TMEM51: variants seen among roughly 807,000 people sequenced by gnomAD.
TMEM51 encodes the protein transmembrane protein 51.
TMEM51 carries 8 observed loss-of-function variants against 13.6 expected under a neutral mutation model. The ratio of observed to expected loss-of-function variants is 0.59; its 90% CI spans 0.35 to 1.07. The LOEUF is 1.07. Ranked by LOEUF, TMEM51 falls within the 50% of genes least tolerant of loss-of-function variation. The pLI, the probability that TMEM51 is intolerant of heterozygous loss-of-function variation, is 0.02. For synonymous variants in TMEM51, 147 were observed against 144.4 expected (o/e 1.02, Z -0.13); for missense variants, 279 against 330.7 (o/e 0.84, Z 1.21).
rs981482448 is a variant in TMEM51, at chr1:15,172,408, A to G, written c.-267+18454A>G. ...GTCTCAAAAAAAAAAAAAAAAAAAA[A>G]GGAAGGAAGGAGGAGGGAGGGAGGA... On this transcript the variant is annotated intron_variant, in intron 1 of 3. Transcript: ENST00000376008. Among the ~76,000 whole-genome samples, 8 of 136,596 alleles carry G rather than the reference A, an allele frequency of 5.9e-5. No individual in the cohort carries two copies. The Admixed American group carries it at 5.9e-4, about 10-fold the overall frequency. 89.6% of individuals were successfully genotyped at this position (136,596 alleles called of 152,430 possible). A position where few individuals can be genotyped will look rare whatever the true frequency, so the allele number is the denominator to read the frequency against.
intron 1 of TMEM51, chr1:15,168,722 G>T: frequency 7.7e-7 from 1 of 1,304,480 alleles, no homozygotes; most frequent in Non-Finnish European, 1.0e-6. Context: ...GCCAGTGACT[G>T]GGAACGTCTC....
In TMEM51 at chr1:15,219,865, A is replaced by T; in HGVS notation, c.*122A>T. The stretch of plus-strand genomic sequence containing the variant: ...GCCAGCTGTGCATGGAGCCATTTGG[A>T]TGGCGGCGGGCGGGGGGGGATTCTC... On this transcript the variant is annotated 3_prime_UTR_variant, in exon 4 of 4. Coordinates refer to ENST00000376008, the MANE Select transcript of TMEM51 (RefSeq NM_001136218.2). 8.8e-7 allele frequency: 1 copy of T among 1,135,964 alleles called. No individual in the cohort carries two copies. Among genetic ancestry groups the T allele is most frequent in the Non-Finnish European group, 1.2e-6 (1 of 813,416 alleles). 70.4% of individuals were successfully genotyped at this position (1,135,964 alleles called of 1,614,324 possible). A position where few individuals can be genotyped will look rare whatever the true frequency, so the allele number is the denominator to read the frequency against.
chr1:15,206,410 C>G (rs970762535), intron 1 of TMEM51, among the ~76,000 whole-genome samples: 1 of 152,062 alleles, frequency 6.6e-6, no homozygotes, highest in African/African-American at 2.4e-5. Flanking sequence ...ACACTTTTGT[C>G]CTGAAACACC....
At chr1:15,203,441 T>C (rs1644194374) in intron 1 of TMEM51, among the ~76,000 whole-genome samples, 1 of 150,150 alleles carries the variant, frequency 6.7e-6, no homozygotes, top group Admixed American at 6.6e-5. Flanking sequence ...TTTTTTTTTT[T>C]CAGTAGAGAC....
rs1359861083 is a variant in TMEM51 at position 15,164,748 on chromosome 1, AACAG to A, written c.-267+10798_-267+10801del. Among the ~76,000 whole-genome samples the A allele has an allele frequency of 1.9e-4, 29 of 152,098 alleles. 1 individual carries two copies. Among genetic ancestry groups the A allele is most frequent in the African/African-American group, 6.3e-4 (26 of 41,416 alleles). ...ACTGGGGACAATATTTGCAACACAG[AACAG>A]ACAAAGAGTTGTGTTCTGAATCCAT... On this transcript the variant is annotated intron_variant, in intron 1 of 3. Coordinates refer to ENST00000376008, the MANE Select transcript of TMEM51 (RefSeq NM_001136218.2).
intron 1 of TMEM51, among the ~76,000 whole-genome samples, chr1:15,197,218 G>C (rs1048475453): frequency 6.6e-6 from 1 of 152,228 alleles, no homozygotes; most frequent in Non-Finnish European, 1.5e-5. Flanking sequence ...GTGCCCCAGA[G>C]TGTGGGAGGC....
At position 15,177,427 on chromosome 1, in the gene TMEM51, C is replaced by T. The variant is rs1021616857; in HGVS notation, c.-267+23473C>T. Among the ~76,000 whole-genome samples the T allele has an allele frequency of 7.2e-5, 11 of 151,974 alleles. No homozygotes were observed. The East Asian group carries it at 7.7e-4, about 11-fold the overall frequency. The stretch of plus-strand genomic sequence containing the variant: ...TGTCCTTGCACTGGAATAGGGAAGT[C>T]GGGAGGAACCAGGGGCCGGGGAGGA... On this transcript the variant is annotated intron_variant, in intron 1 of 3. Coordinates refer to ENST00000376008, the MANE Select transcript of TMEM51 (RefSeq NM_001136218.2).
chr1:15,181,812 C>A (rs999572741), intron 1 of TMEM51, among the ~76,000 whole-genome samples: 1 of 152,200 alleles, frequency 6.6e-6, no homozygotes, highest in African/African-American at 2.4e-5. Flanking sequence ...AACCATCAAA[C>A]CGTGACGTCT....
Position 15,207,130 on chromosome 1 carries a change from C to T in TMEM51, c.-266-3360C>T, listed in dbSNP as rs2100333372. ...CACAGCCCGGTGGAACCGGGGATCCCTTTCCCAATTATGCAGCTTGGCAGG... is the reference window on the plus strand; with the variant it reads ...CACAGCCCGGTGGAACCGGGGATCCTTTTCCCAATTATGCAGCTTGGCAGG... On this transcript the variant is annotated intron_variant, in intron 1 of 3. Coordinates refer to ENST00000376008, the MANE Select transcript of TMEM51 (RefSeq NM_001136218.2). The surrounding 1 kb of genome is among the most constrained non-coding windows in gnomAD (Gnocchi z 4.6). 6.6e-6 allele frequency among the ~76,000 whole-genome samples: 1 copy of T among 152,356 alleles called. No individual in the cohort carries two copies. Among genetic ancestry groups the T allele is most frequent in the East Asian group, 1.9e-4 (1 of 5,172 alleles).
chr1:15,202,614 T>C (rs1379799885), intron 1 of TMEM51, among the ~76,000 whole-genome samples: 1 of 152,128 alleles, frequency 6.6e-6, no homozygotes, highest in Non-Finnish European at 1.5e-5. Flanking sequence ...GCTTCCATGA[T>C]TCCATCTCCT....
intron 1 of TMEM51, chr1:15,192,418 C>A: frequency 2.6e-6 from 1 of 378,382 alleles, no homozygotes; most frequent in Admixed American, 3.7e-5. Context: ...CAGCGTTTGG[C>A]AGTGCTACTT....
intron 1 of TMEM51, among the ~76,000 whole-genome samples, chr1:15,176,212 T>G (rs1316243554): frequency 1.3e-5 from 2 of 152,188 alleles, no homozygotes; most frequent in East Asian, 3.8e-4. Flanking sequence ...AACAGAGATT[T>G]GTTGAGGCTT....
In TMEM51 at chr1:15,166,480, G is replaced by A. The variant is rs561552762; in HGVS notation, c.-267+12526G>A. Among the ~76,000 whole-genome samples, 8 of 152,336 alleles carry A rather than the reference G, an allele frequency of 5.3e-5. No individual in the cohort carries two copies. In the South Asian group the frequency reaches 1.7e-3, roughly 32 times the overall value. ...TCACACTGTAATCCCAGCACTTTGG[G>A]AGGCCAAGGCCGGTGGATCACTTGA... On this transcript the variant is annotated intron_variant, in intron 1 of 3. Coordinates refer to ENST00000376008, the MANE Select transcript of TMEM51 (RefSeq NM_001136218.2).
chr1:15,165,643 T>G (rs1189387365), intron 1 of TMEM51, among the ~76,000 whole-genome samples: 1 of 152,160 alleles, frequency 6.6e-6, no homozygotes, highest in African/African-American at 2.4e-5. Context: ...AGGTAACAAT[T>G]TATGGTTGTA....
intron 1 of TMEM51, among the ~76,000 whole-genome samples, chr1:15,200,696 G>A (rs1044437665): frequency 2.0e-5 from 3 of 152,104 alleles, no homozygotes; most frequent in African/African-American, 4.8e-5. Flanking sequence ...CCCCTTCCCT[G>A]CAAGCTGTCC....
intron 1 of TMEM51, among the ~76,000 whole-genome samples, chr1:15,163,331 T>C (rs1642858180): frequency 6.6e-6 from 1 of 152,038 alleles, no homozygotes; most frequent in South Asian, 2.1e-4. Context: ...AGCTAAGCTC[T>C]TTAACTTTCA....
intron 1 of TMEM51, among the ~76,000 whole-genome samples, chr1:15,176,909 A>T (rs1643471959): frequency 2.6e-5 from 4 of 152,194 alleles, no homozygotes; most frequent in Admixed American, 2.6e-4. Flanking sequence ...AAGGAGATGG[A>T]TGAGGCAGGA....
chr1:15,205,384 G>A (rs549761171), intron 1 of TMEM51, among the ~76,000 whole-genome samples: 5 of 152,108 alleles, frequency 3.3e-5, no homozygotes, highest in Non-Finnish European at 7.4e-5. Context: ...CTTTCCCATC[G>A]CTGTGGGATT....
intron 1 of TMEM51, among the ~76,000 whole-genome samples, chr1:15,187,752 C>T (rs556450744): frequency 6.6e-6 from 1 of 152,310 alleles, no homozygotes; most frequent in African/African-American, 2.4e-5. Flanking sequence ...CAACTTGCAG[C>T]CCCGGGACTC....
Sources: allele counts gnomAD v4.1 joint callset (sites outside exome capture counted in the v4.1 genomes callset), GRCh38; gene constraint gnomAD v4.1.1; non-coding constraint Gnocchi (gnomAD v3.1); transcripts MANE v1.5; gene names NCBI Gene and HGNC (gene_info 2026-07-23, HGNC 2026-07-21).